Variants in KLHL8 observed in about 807,000 individuals in gnomAD.
KLHL8 encodes the protein kelch-like protein 8.
A neutral mutation model predicts 63.5 loss-of-function variants in KLHL8; 38 were observed. The observed-to-expected ratio is 0.60, with a 90% CI of 0.46 to 0.78. The LOEUF (loss-of-function observed/expected upper bound fraction) is 0.78. Among genes scored for constraint, KLHL8 ranks in the 30% least tolerant of loss-of-function variants. The pLI is 0.00. For synonymous variants in KLHL8, 224 were observed against 254.3 expected (o/e 0.88, Z 1.13); for missense variants, 566 against 752.4 (o/e 0.75, Z 2.90).
intron 1 of KLHL8, 111 bp from the exon 2 acceptor site, chr4:87,195,801 A>G (rs1731674225): frequency 3.3e-6 from 1 of 300,284 alleles, no homozygotes. Flanking sequence ...TCATATTTAT[A>G]AAAGAACAAA....
intron 1 of KLHL8, among the ~76,000 whole-genome samples, chr4:87,218,241 A>AT (rs1262575065): frequency 1.5e-5 from 2 of 137,384 alleles, no homozygotes; most frequent in African/African-American, 5.8e-5. Flanking sequence ...AATTTACCCA[A>AT]CTTTTTTTTT....
chr4:87,198,521 A>G (rs1171642381), intron 1 of KLHL8, among the ~76,000 whole-genome samples: 1 of 152,222 alleles, frequency 6.6e-6, no homozygotes, highest in East Asian at 1.9e-4. Flanking sequence ...GAAACATGTA[A>G]CAACCGGATG....
In KLHL8 at chr4:87,211,092, C is replaced by T. The variant is rs548076575; in HGVS notation, c.-152+9326G>A. Among the ~76,000 whole-genome samples, 10 of 152,246 alleles carry T rather than the reference C, an allele frequency of 6.6e-5. No individual in the cohort carries two copies. In the South Asian group the frequency reaches 1.7e-3, roughly 25 times the overall value. On this transcript the variant is annotated intron_variant, in intron 1 of 9. Coordinates refer to ENST00000273963, the MANE Select transcript of KLHL8 (RefSeq NM_020803.5). ...CTATTACTCCCATGTTCAGTAAACA[C>T]ATATAACACAATAAACAAACAGAAG...
At chr4:87,205,802 CCTAA>C (rs533493944) in intron 1 of KLHL8, among the ~76,000 whole-genome samples, 62 of 152,124 alleles carry the variant, frequency 4.1e-4, no homozygotes, top group South Asian at 2.5e-3. Flanking sequence ...TATTTTGTGC[CCTAA>C]CTATCTGAAG....
rs563756676 is a variant in KLHL8, at chr4:87,207,289, A to T, written c.-151-11599T>A. 5.9e-5 allele frequency: 35 copies of T among 588,368 alleles called. 1 individual carries two copies. The East Asian group carries it at 1.2e-3, about 20-fold the overall frequency. 36.4% of individuals were successfully genotyped at this position (588,368 alleles called of 1,614,324 possible). A position where few individuals can be genotyped will look rare whatever the true frequency, so the allele number is the denominator to read the frequency against. ...AAAGGCTGAGAATGGGAAGCTTGTC[A>T]TCAGTGGAAATCCCATTACCATCTT... On this transcript the variant is annotated intron_variant, in intron 1 of 9. Coordinates refer to ENST00000273963, the MANE Select transcript of KLHL8 (RefSeq NM_020803.5).
At chr4:87,168,168 G>T (rs1232856038) in intron 8 of KLHL8, among the ~76,000 whole-genome samples, 1 of 152,156 alleles carries the variant, frequency 6.6e-6, no homozygotes, top group African/African-American at 2.4e-5. Flanking sequence ...ATTTTAGGGG[G>T]TGTTTTTGTG....
chr4:87,184,653 G>A (rs1166284956), intron 3 of KLHL8, among the ~76,000 whole-genome samples: 1 of 151,992 alleles, frequency 6.6e-6, no homozygotes, highest in Non-Finnish European at 1.5e-5. Flanking sequence ...GGGAGAGAAA[G>A]GAGAGGAAGA....
At position 87,178,546 on chromosome 4, in the gene KLHL8, T is replaced by C. The variant is rs748304311; in HGVS notation, c.1027A>G (p.Lys343Glu). ...TCTGGTCCAAAGAACCAACTGTTTT[T>C]GTTGATAGAATAGCATTCAATACTG... ...FRSIECYSIN[K>E]NSWFFGPEMN... Residue 343 changes from lysine to glutamate, a missense_variant, in exon 5 of 10, where the codon AAA becomes GAA. Physicochemically the swap from Lys to Glu is moderately conservative, Grantham distance 56 (BLOSUM62 1). Coordinates refer to ENST00000273963, the MANE Select transcript of KLHL8 (RefSeq NM_020803.5). 85 of 1,612,250 alleles carry C rather than the reference T, an allele frequency of 5.3e-5. No individual in the cohort carries two copies. Among genetic ancestry groups the C allele is most frequent in the Non-Finnish European group, 6.7e-5 (79 of 1,179,744 alleles).
intron 1 of KLHL8, among the ~76,000 whole-genome samples, chr4:87,210,150 G>A (rs376804342): frequency 4.1e-4 from 62 of 149,850 alleles, no homozygotes; most frequent in African/African-American, 1.4e-3. Context: ...GAGCCACTAC[G>A]CCCAGCCCCA....
chr4:87,165,140 A>T lies in KLHL8; in HGVS notation c.1538-1061T>A, dbSNP rs575202686. ...ACTCCAGCCTGGGCGACAGAGCAAG[A>T]CTCTGTCTCAAAAAAAAAAAAAAAA... On this transcript the variant is annotated intron_variant, in intron 8 of 9. Coordinates refer to ENST00000273963, the MANE Select transcript of KLHL8 (RefSeq NM_020803.5). 1.6e-4 allele frequency among the ~76,000 whole-genome samples: 21 copies of T among 129,926 alleles called. No homozygotes were observed. The South Asian group carries it at 5.3e-3, about 33-fold the overall frequency. 85.2% of individuals were successfully genotyped at this position (129,926 alleles called of 152,430 possible).
rs1730146162 is a variant in KLHL8, at chr4:87,161,067, G to A, written c.*2452C>T. 9.9e-6 allele frequency: 1 copy of A among 101,354 alleles called. No homozygotes were observed. Among genetic ancestry groups the A allele is most frequent in the Admixed American group, 1.3e-4 (1 of 7,962 alleles). 6.3% of individuals were successfully genotyped at this position (101,354 alleles called of 1,614,324 possible). A position where few individuals can be genotyped will look rare whatever the true frequency, so the allele number is the denominator to read the frequency against. On this transcript the variant is annotated 3_prime_UTR_variant, in exon 10 of 10. Coordinates refer to ENST00000273963, the MANE Select transcript of KLHL8 (RefSeq NM_020803.5). ...TTTTTTTTTTTTTTTTTTTTGAGATGGAGTTTCACTCTTGTTTCACCGCTG... is the reference window on the plus strand; with the variant it reads ...TTTTTTTTTTTTTTTTTTTTGAGATAGAGTTTCACTCTTGTTTCACCGCTG...
intron 1 of KLHL8, among the ~76,000 whole-genome samples, chr4:87,234,299 C>T (rs570833862): frequency 4.6e-5 from 7 of 152,114 alleles, no homozygotes; most frequent in East Asian, 1.9e-4. Flanking sequence ...ATTAGCTGGG[C>T]GTGGTGGTGC....
At chr4:87,240,053 G>T (rs1362574326) in intron 1 of KLHL8, among the ~76,000 whole-genome samples, 1 of 152,118 alleles carries the variant, frequency 6.6e-6, no homozygotes, top group East Asian at 1.9e-4. Flanking sequence ...AATCATGATG[G>T]TTTCTTTTCC....
At chr4:87,198,871 A>C (rs1731803582) in intron 1 of KLHL8, among the ~76,000 whole-genome samples, 1 of 152,258 alleles carries the variant, frequency 6.6e-6, no homozygotes, top group Non-Finnish European at 1.5e-5. Flanking sequence ...AAGAGGTAGA[A>C]GCAGCCTAAA....
intron 1 of KLHL8, among the ~76,000 whole-genome samples, chr4:87,216,205 A>G (rs13105620): frequency 0.077 from 11,728 of 152,280 alleles, 635 homozygotes; most frequent in Non-Finnish European, 0.12. Flanking sequence ...TGAATCAATC[A>G]AAGGTACCAC....
At chr4:87,174,490 GC>G (rs1730746333) in intron 6 of KLHL8, among the ~76,000 whole-genome samples, 1 of 152,018 alleles carries the variant, frequency 6.6e-6, no homozygotes, top group Non-Finnish European at 1.5e-5. Context: ...TGTTGGCCAG[GC>G]TGGTCTCAAA....
In KLHL8 at chr4:87,160,618, A is replaced by G. The variant is rs1730120342; in HGVS notation, c.*2901T>C. On this transcript the variant is annotated 3_prime_UTR_variant, in exon 10 of 10. Coordinates refer to ENST00000273963, the MANE Select transcript of KLHL8 (RefSeq NM_020803.5). ...TCAAACATTTTAGAAATAATCAATTAATTACATAAGTATATAGTGAAATCT... is the reference window on the plus strand; with the variant it reads ...TCAAACATTTTAGAAATAATCAATTGATTACATAAGTATATAGTGAAATCT... The G allele has an allele frequency of 6.6e-6, 1 of 152,370 alleles. No individual in the cohort carries two copies. Among genetic ancestry groups the G allele is most frequent in the African/African-American group, 2.4e-5 (1 of 41,604 alleles). The allele number at this position is 152,370 out of a possible 1,614,324, so 9.4% of individuals were successfully genotyped here.
upstream of KLHL8, chr4:87,221,123 C>A (rs1241749237): frequency 6.6e-6 from 1 of 152,234 alleles, no homozygotes; most frequent in Non-Finnish European, 1.5e-5. Flanking sequence ...AGTGGCCATG[C>A]GCGGTGGCTC....
chr4:87,197,989 T>G (rs1446333513), intron 1 of KLHL8, among the ~76,000 whole-genome samples: 2 of 138,098 alleles, frequency 1.4e-5, no homozygotes, highest in African/African-American at 5.4e-5. Flanking sequence ...AATAAAGCCA[T>G]GTTCCAATAC....
Sources: allele counts gnomAD v4.1 joint callset (sites outside exome capture counted in the v4.1 genomes callset), GRCh38; gene constraint gnomAD v4.1.1; transcripts MANE v1.5; gene names NCBI Gene and HGNC (gene_info 2026-07-23, HGNC 2026-07-21).